Variants in CERS6 observed in about 807,000 individuals in gnomAD.
CERS6 encodes the protein LAG1 homolog, ceramide synthase 6.
Under a neutral mutation model 56.8 loss-of-function variants are expected in CERS6, and 26 were observed. The observed-to-expected ratio is 0.46, with a 90% CI of 0.34 to 0.63. The LOEUF (loss-of-function observed/expected upper bound fraction) is 0.63, where lower values mean the gene tolerates loss of function less well. Ranked by LOEUF, CERS6 falls within the 30% of genes least tolerant of loss-of-function variation. The probability of loss-of-function intolerance (pLI) is 0.01; values close to 1 mark genes in which losing one functional copy is unlikely to be tolerated. For synonymous variants in CERS6, 164 were observed against 173.3 expected, an observed-to-expected ratio of 0.95 and a Z score of 0.42; for missense variants, 415 against 467.5, an observed-to-expected ratio of 0.89 and a Z score of 1.04.
intron 3 of CERS6, among the ~76,000 whole-genome samples, chr2:168,596,961 C>T (rs544397512): frequency 5.3e-5 from 8 of 152,344 alleles, no homozygotes; most frequent in Non-Finnish European, 1.2e-4. Flanking sequence ...TGCATATACT[C>T]TACCTATTCT....
At chr2:168,483,304 G>A (rs1428972731) in intron 1 of CERS6, among the ~76,000 whole-genome samples, 1 of 150,536 alleles carries the variant, frequency 6.6e-6, no homozygotes, top group Non-Finnish European at 1.5e-5. Context: ...TTCTGAAGAC[G>A]CTTATAGCAC....
At chr2:168,740,040 A>G (rs57151512) in intron 8 of CERS6, among the ~76,000 whole-genome samples, 1,769 of 152,272 alleles carry the variant, frequency 0.012, 38 homozygotes, top group African/African-American at 0.04. Context: ...TGAGCTCTCC[A>G]GGTCCAATTA....
intron 4 of CERS6, among the ~76,000 whole-genome samples, chr2:168,671,686 T>C (rs1685921820): frequency 6.6e-6 from 1 of 152,200 alleles, no homozygotes; most frequent in Admixed American, 6.5e-5. Flanking sequence ...AGGTAAAAGA[T>C]ATCTGTTATT....
chr2:168,462,391 C>T (rs537919748), intron 1 of CERS6, among the ~76,000 whole-genome samples: 46 of 152,188 alleles, frequency 3.0e-4, no homozygotes, highest in African/African-American at 1.1e-3. Flanking sequence ...CCTTGAGAAT[C>T]TTTATTCTTA....
chr2:168,591,149 C>A (rs1683660614), intron 3 of CERS6, among the ~76,000 whole-genome samples: 1 of 152,006 alleles, frequency 6.6e-6, no homozygotes, highest in South Asian at 2.1e-4. Flanking sequence ...GTATATTTTC[C>A]CCCTGTATTC....
intron 4 of CERS6, among the ~76,000 whole-genome samples, chr2:168,661,792 C>T (rs956144351): frequency 2.6e-5 from 4 of 152,176 alleles, no homozygotes; most frequent in African/African-American, 7.2e-5. Flanking sequence ...GCCTGGCTCC[C>T]GGGCTCCCCA....
chr2:168,708,984 G>A (rs1468178705), intron 6 of CERS6, among the ~76,000 whole-genome samples: 1 of 152,124 alleles, frequency 6.6e-6, no homozygotes, highest in Non-Finnish European at 1.5e-5. Context: ...AGATGAATTT[G>A]TAGTGCCTCC....
At chr2:168,467,661 T>G (rs1490698536) in intron 1 of CERS6, among the ~76,000 whole-genome samples, 1 of 152,190 alleles carries the variant, frequency 6.6e-6, no homozygotes, top group Non-Finnish European at 1.5e-5. Flanking sequence ...TCAAATTTGG[T>G]GTCCTCTCTT....
intron 3 of CERS6, among the ~76,000 whole-genome samples, chr2:168,608,861 T>G (rs1684116822): frequency 6.6e-6 from 1 of 152,244 alleles, no homozygotes; most frequent in Non-Finnish European, 1.5e-5. Flanking sequence ...ACATGAGTTA[T>G]GAATTCATAA....
At chr2:168,611,269 A>G (rs1168651630) in intron 3 of CERS6, among the ~76,000 whole-genome samples, 1 of 152,194 alleles carries the variant, frequency 6.6e-6, no homozygotes, top group Non-Finnish European at 1.5e-5. Context: ...TCAGTGGGGT[A>G]TTGAAATAGC....
chr2:168,509,521 C>T (rs1487742113), intron 1 of CERS6, among the ~76,000 whole-genome samples: 2 of 152,178 alleles, frequency 1.3e-5, no homozygotes, highest in Admixed American at 6.5e-5. Context: ...CCTGACCCTG[C>T]CTCCATCATT....
At chr2:168,667,879 T>C (rs928596392) in intron 4 of CERS6, among the ~76,000 whole-genome samples, 24 of 152,334 alleles carry the variant, frequency 1.6e-4, no homozygotes, top group Admixed American at 1.3e-4. Context: ...GAAAGAAATA[T>C]GCATGGAGGG....
At chr2:168,606,670 G>C (rs957495731) in intron 3 of CERS6, among the ~76,000 whole-genome samples, 1 of 152,138 alleles carries the variant, frequency 6.6e-6, no homozygotes, top group Non-Finnish European at 1.5e-5. Context: ...TTTGGAAGGG[G>C]CCAGGGGCAG....
At chr2:168,491,926 A>C (rs567504103) in intron 1 of CERS6, among the ~76,000 whole-genome samples, 127 of 152,266 alleles carry the variant, frequency 8.3e-4, no homozygotes, top group African/African-American at 3.0e-3. Flanking sequence ...AGCTTCATCC[A>C]TGTCCCTACA....
At chr2:168,703,987 A>T (rs1686869944) in intron 6 of CERS6, among the ~76,000 whole-genome samples, 1 of 152,220 alleles carries the variant, frequency 6.6e-6, no homozygotes, top group Non-Finnish European at 1.5e-5. Context: ...TACCATGTGC[A>T]GACTGGTGGA....
chr2:168,485,597 C>T (rs781310596), intron 1 of CERS6, among the ~76,000 whole-genome samples: 2 of 152,160 alleles, frequency 1.3e-5, no homozygotes, highest in African/African-American at 2.4e-5. Flanking sequence ...TGGAATCATA[C>T]AGTGTGTAAC....
chr2:168,769,898 G>T lies in CERS6; in HGVS notation c.*236G>T. On this transcript the variant is annotated 3_prime_UTR_variant, in exon 10 of 10. Transcript: ENST00000305747. Reference sequence around the variant, plus strand: ...ACACAAGGGAACAGTATTTGCATTTGTACTGTCTTAGAATATTATTTATTT... The same window carrying T: ...ACACAAGGGAACAGTATTTGCATTTTTACTGTCTTAGAATATTATTTATTT... The T allele has an allele frequency of 2.0e-6, 1 of 503,496 alleles. No homozygotes were observed. The highest frequency in any genetic ancestry group is 3.5e-6 in the Non-Finnish European group (1 of 289,530). The allele number at this position is 503,496 out of a possible 1,614,324, so 31.2% of individuals were successfully genotyped here. A position where few individuals can be genotyped will look rare whatever the true frequency, so the allele number is the denominator to read the frequency against.
intron 4 of CERS6, among the ~76,000 whole-genome samples, chr2:168,654,234 C>A (rs1685414584): frequency 6.6e-6 from 1 of 152,102 alleles, no homozygotes; most frequent in Admixed American, 6.5e-5. Flanking sequence ...GGCCTGTGAG[C>A]TGACTGTATA....
chr2:168,681,170 T>A (rs1686205747), intron 4 of CERS6, among the ~76,000 whole-genome samples: 2 of 152,220 alleles, frequency 1.3e-5, no homozygotes, highest in South Asian at 4.1e-4. Flanking sequence ...CTGATGGGGA[T>A]CTTGGAAGGT....
Sources: allele counts gnomAD v4.1 joint callset (sites outside exome capture counted in the v4.1 genomes callset), GRCh38; gene constraint gnomAD v4.1.1; transcripts MANE v1.5; gene names NCBI Gene and HGNC (gene_info 2026-07-23, HGNC 2026-07-21).